Variants in L3MBTL4 observed in about 807,000 individuals in gnomAD.
L3MBTL4 encodes the protein lethal(3)malignant brain tumor-like protein 4.
A neutral mutation model predicts 84.5 loss-of-function variants in L3MBTL4; 70 were observed. That is an observed-to-expected ratio of 0.83 (90% confidence interval 0.68 to 1.01). The LOEUF (loss-of-function observed/expected upper bound fraction) is 1.01, where lower values mean the gene tolerates loss of function less well. Among genes scored for constraint, L3MBTL4 ranks in the 50% least tolerant of loss-of-function variants. The probability of loss-of-function intolerance (pLI) is 0.00; values close to 1 mark genes in which losing one functional copy is unlikely to be tolerated. For missense variants in L3MBTL4, 715 were observed against 754.8 expected (o/e 0.95, Z 0.62); for synonymous variants, 274 against 259.8 (o/e 1.05, Z -0.52).
At chr18:6,267,775 A>G (rs1346543799) in intron 4 of L3MBTL4, among the ~76,000 whole-genome samples, 1 of 152,246 alleles carries the variant, frequency 6.6e-6, no homozygotes, top group Non-Finnish European at 1.5e-5. Context: ...AAATAAGAAT[A>G]CATAATATCA....
At chr18:6,031,092 T>C in intron 16 of L3MBTL4, 1 of 985,450 alleles carries the variant, frequency 1.0e-6, no homozygotes, top group South Asian at 4.7e-5. Context: ...TATAGGAAGC[T>C]GGGGTTTGTG....
chr18:6,274,919 ACT>A (rs2049018373), intron 4 of L3MBTL4, among the ~76,000 whole-genome samples: 1 of 152,076 alleles, frequency 6.6e-6, no homozygotes, highest in Non-Finnish European at 1.5e-5. Context: ...GAGAAAGAGG[ACT>A]CTGACATTTC....
At position 6,182,944 on chromosome 18, in the gene L3MBTL4, A is replaced by T. The variant is rs546212179; in HGVS notation, c.982-11002T>A. 2.6e-5 allele frequency among the ~76,000 whole-genome samples: 4 copies of T among 152,366 alleles called. No homozygotes were observed. The South Asian group carries it at 8.3e-4, about 32-fold the overall frequency. On this transcript the variant is annotated intron_variant, in intron 12 of 18. Coordinates refer to ENST00000317931, the MANE Select transcript of L3MBTL4 (RefSeq NM_001330559.2). Reference sequence around the variant, plus strand: ...TAATTTTATAATGCAATGAACCAAGAGAAATCTGATTGAAGGCCTGATGCA... The same window carrying T: ...TAATTTTATAATGCAATGAACCAAGTGAAATCTGATTGAAGGCCTGATGCA...
At chr18:6,410,434 G>C (rs2055917539) in intron 1 of L3MBTL4, among the ~76,000 whole-genome samples, 1 of 152,018 alleles carries the variant, frequency 6.6e-6, no homozygotes, top group Admixed American at 6.6e-5. Flanking sequence ...CGTCATGTCG[G>C]CATAGTCACC....
intron 16 of L3MBTL4, among the ~76,000 whole-genome samples, chr18:5,978,768 A>C (rs1028524275): frequency 1.4e-4 from 21 of 152,164 alleles, no homozygotes; most frequent in Admixed American, 1.3e-3. Flanking sequence ...TAGATGTAGC[A>C]CTGGTTGTGA....
chr18:6,091,855 G>A (rs1421492195), intron 15 of L3MBTL4, among the ~76,000 whole-genome samples: 2 of 152,244 alleles, frequency 1.3e-5, no homozygotes, highest in Middle Eastern at 6.8e-3. Context: ...ATAGCAAAAA[G>A]ATTAAGGGCG....
chr18:6,117,805 G>C (rs2059402307), intron 14 of L3MBTL4, among the ~76,000 whole-genome samples: 1 of 152,208 alleles, frequency 6.6e-6, no homozygotes, highest in Non-Finnish European at 1.5e-5. Context: ...CAATGTCATT[G>C]TTAGTAATGA....
intron 15 of L3MBTL4, among the ~76,000 whole-genome samples, chr18:6,093,082 G>A (rs2058512668): frequency 6.6e-6 from 1 of 152,048 alleles, no homozygotes; most frequent in Non-Finnish European, 1.5e-5. Context: ...TTTTGGAATG[G>A]TACAAATGAG....
intron 1 of L3MBTL4, among the ~76,000 whole-genome samples, chr18:6,320,850 AG>A (rs1311466784): frequency 6.6e-6 from 1 of 152,194 alleles, no homozygotes; most frequent in African/African-American, 2.4e-5. Context: ...TTATACCAAA[AG>A]GCTATAGTTA....
At chr18:5,960,050 A>ATACATACC (rs2095255634) in intron 18 of L3MBTL4, 44 bp downstream of exon 18, 1 of 399,200 alleles carries the variant, frequency 2.5e-6, no homozygotes. Context: ...ACACACATAT[A>ATACATACC]TATATATATA....
rs57409444 is a variant in L3MBTL4, at chr18:5,981,655, G to GA, written c.1445-12094dup. ...ACACAGCAAGACTCCTTTCTTTGAG[G>GA]AAAAAAAAAAAAAGCCAGCCTTGGT... On this transcript the variant is annotated intron_variant, in intron 16 of 18. Coordinates refer to ENST00000317931, the MANE Select transcript of L3MBTL4 (RefSeq NM_001330559.2). 7.3e-4 allele frequency among the ~76,000 whole-genome samples: 103 copies of GA among 141,998 alleles called. 1 individual carries two copies. Among genetic ancestry groups the GA allele is most frequent in the Admixed American group, 1.5e-3 (21 of 14,128 alleles). The allele number at this position is 141,998 out of a possible 152,430, so 93.2% of individuals were successfully genotyped here.
intron 1 of L3MBTL4, among the ~76,000 whole-genome samples, chr18:6,412,617 T>A (rs1366396999): frequency 6.6e-6 from 1 of 152,092 alleles, no homozygotes; most frequent in Admixed American, 6.5e-5. Context: ...AGAGTCAGCC[T>A]GATCTCCCTC....
At chr18:6,388,013 G>A (rs1301299406) in intron 1 of L3MBTL4, among the ~76,000 whole-genome samples, 1 of 152,002 alleles carries the variant, frequency 6.6e-6, no homozygotes, top group Non-Finnish European at 1.5e-5. Context: ...AGGTAAAAAA[G>A]GTGCTCAGAG....
chr18:6,066,266 A>G (rs2057396133), intron 16 of L3MBTL4, among the ~76,000 whole-genome samples: 1 of 152,052 alleles, frequency 6.6e-6, no homozygotes, highest in Non-Finnish European at 1.5e-5. Context: ...GACTTGTTTT[A>G]TGGTCTATCA....
intron 16 of L3MBTL4, among the ~76,000 whole-genome samples, chr18:6,028,587 C>G (rs1284790500): frequency 1.3e-5 from 2 of 152,142 alleles, no homozygotes; most frequent in East Asian, 3.9e-4. Flanking sequence ...TCAATGGTAG[C>G]TTAATGGGAA....
chr18:6,257,963 A>G (rs151245577), intron 5 of L3MBTL4, among the ~76,000 whole-genome samples: 43 of 152,296 alleles, frequency 2.8e-4, no homozygotes, highest in Non-Finnish European at 2.2e-4. Flanking sequence ...GAAATGTTCA[A>G]AAGAGAAGAA....
chr18:6,057,400 TG>T (rs2057062720), intron 16 of L3MBTL4, among the ~76,000 whole-genome samples: 2 of 152,178 alleles, frequency 1.3e-5, no homozygotes, highest in Non-Finnish European at 2.9e-5. Context: ...CTATCACCAC[TG>T]GGGAAAATTG....
At chr18:6,036,677 T>C (rs2056156144) in intron 16 of L3MBTL4, among the ~76,000 whole-genome samples, 1 of 152,206 alleles carries the variant, frequency 6.6e-6, no homozygotes, top group Non-Finnish European at 1.5e-5. Context: ...TCTTGTAAGT[T>C]TTGTGATTAC....
At chr18:6,343,720 G>T (rs72864816) in intron 1 of L3MBTL4, among the ~76,000 whole-genome samples, 17,427 of 150,460 alleles carry the variant, frequency 0.12, 1,059 homozygotes, top group Non-Finnish European at 0.13. Context: ...AGCCACAATG[G>T]TATGAAACTA....
Sources: allele counts gnomAD v4.1 joint callset (sites outside exome capture counted in the v4.1 genomes callset), GRCh38; gene constraint gnomAD v4.1.1; transcripts MANE v1.5; gene names NCBI Gene and HGNC (gene_info 2026-07-23, HGNC 2026-07-21).